STMN4: variants seen among roughly 807,000 people sequenced by gnomAD.
STMN4 encodes the protein stathmin 4, also known as stathmin-4.
Under a neutral mutation model 29.1 loss-of-function variants are expected in STMN4, and 12 were observed. The ratio of observed to expected loss-of-function variants is 0.41; its 90% CI spans 0.26 to 0.67. The LOEUF (loss-of-function observed/expected upper bound fraction) is 0.67, where lower values mean the gene tolerates loss of function less well. STMN4 is among the 30% of genes least tolerant of loss of function. STMN4 has a pLI of 0.30. For missense variants in STMN4, 181 were observed against 262.8 expected (o/e 0.69, Z 2.15); for synonymous variants, 114 against 105.3 (o/e 1.08, Z -0.51).
Position 27,241,139 on chromosome 8 carries a change from T to C in STMN4, c.314A>G (p.Glu105Gly). ...LKPPSFDGVP[E>G]FNASLPRRRD... is the part of the protein sequence containing the mutation. Reference sequence around the variant, plus strand: ...CCGCCTTGGCAGGGAGGCGTTGAACTCGGGAACCCCATCAAAGGAGGGTGG... The same window carrying C: ...CCGCCTTGGCAGGGAGGCGTTGAACCCGGGAACCCCATCAAAGGAGGGTGG... The change falls in exon 5 of 7, where the codon GAG becomes GGG. Residue 105 changes from glutamate (E) to glycine (G), a missense_variant. By Grantham distance (98) the Glu-to-Gly change is moderately conservative. Transcript: ENST00000350889. The C allele has an allele frequency of 6.2e-7, 1 of 1,614,200 alleles. No homozygotes were observed. Among genetic ancestry groups the C allele is most frequent in the Non-Finnish European group, 8.5e-7 (1 of 1,180,044 alleles).
intron 6 of STMN4, 72 bp downstream of exon 6, chr8:27,239,899 G>C: frequency 6.2e-7 from 1 of 1,610,620 alleles, no homozygotes; most frequent in South Asian, 1.1e-5. Flanking sequence ...TGATCAGCAG[G>C]TCCCCGCATA....
chr8:27,236,962 G>A, intron 6 of STMN4, 57 bp from the exon 7 acceptor site: 1 of 1,561,292 alleles, frequency 6.4e-7, no homozygotes, highest in African/African-American at 1.4e-5. Context: ...GGGACAAAAA[G>A]GGAGGCCAAG....
intron 1 of STMN4, among the ~76,000 whole-genome samples, chr8:27,254,847 G>C (rs1437747352): frequency 5.5e-5 from 8 of 144,696 alleles, no homozygotes; most frequent in Non-Finnish European, 1.2e-4. Context: ...GTAGGGGATG[G>C]AGTGGGAGCA....
chr8:27,254,437 C>T (rs1801878485), intron 1 of STMN4, among the ~76,000 whole-genome samples: 1 of 152,208 alleles, frequency 6.6e-6, no homozygotes, highest in Non-Finnish European at 1.5e-5. Flanking sequence ...GCCATCCAGC[C>T]CCAGGCTCCC....
chr8:27,246,926 A>G (rs1801639626), intron 1 of STMN4, among the ~76,000 whole-genome samples: 2 of 152,288 alleles, frequency 1.3e-5, no homozygotes, highest in East Asian at 3.9e-4. Flanking sequence ...CACCTCAGGT[A>G]CCAGCATTCA....
At chr8:27,247,717 C>G (rs999213494) in intron 1 of STMN4, among the ~76,000 whole-genome samples, 1 of 152,208 alleles carries the variant, frequency 6.6e-6, no homozygotes, top group African/African-American at 2.4e-5. Context: ...AAGGTCAGAG[C>G]ACACAGAGTG....
At chr8:27,253,654 G>A (rs1801854608) in intron 1 of STMN4, among the ~76,000 whole-genome samples, 1 of 151,908 alleles carries the variant, frequency 6.6e-6, no homozygotes, top group Non-Finnish European at 1.5e-5. Flanking sequence ...CTAGACAATG[G>A]CTCTAAATTC....
rs1378852777 is a variant in STMN4, at chr8:27,235,949, G to A, written c.*897C>T. 2.0e-5 allele frequency: 3 copies of A among 152,196 alleles called. No individual in the cohort carries two copies. The highest frequency in any genetic ancestry group is 4.4e-5 in the Non-Finnish European group (3 of 68,028). The allele number at this position is 152,196 out of a possible 1,614,324, so 9.4% of individuals were successfully genotyped here. ...TAGTCTAAGGTATTTTGTTACAGCA[G>A]TCTGAACGGTTGTGACTAAGACAAA... On this transcript the variant is annotated 3_prime_UTR_variant, in exon 7 of 7. Transcript: ENST00000350889.
In STMN4 at chr8:27,239,745, CTG is replaced by C. The variant is rs138784921; in HGVS notation, c.591+224_591+225del. 8.6e-3 allele frequency: 12,790 copies of C among 1,480,740 alleles called. 67 individuals are homozygous for C. The highest frequency in any genetic ancestry group is 0.01 in the Non-Finnish European group (11,514 of 1,122,400). The allele number at this position is 1,480,740 out of a possible 1,614,324, so 91.7% of individuals were successfully genotyped here. A position where few individuals can be genotyped will look rare whatever the true frequency, so the allele number is the denominator to read the frequency against. On this transcript the variant is annotated intron_variant, in intron 6 of 6. Transcript: ENST00000350889. Reference sequence around the variant, plus strand: ...GCAATGAAGGATTTTAATTGTGTAACTGTGCAGAATATCCCCCAAGGAAACCC... The same window carrying C: ...GCAATGAAGGATTTTAATTGTGTAACTGCAGAATATCCCCCAAGGAAACCC...
chr8:27,240,187 A>T, intron 5 of STMN4, 25 bp from the exon 6 acceptor site: 1 of 1,607,888 alleles, frequency 6.2e-7, no homozygotes, highest in Non-Finnish European at 8.5e-7. Flanking sequence ...AGGCAGAAGG[A>T]GGCCCTTCAC....
chr8:27,239,638 G>C, intron 6 of STMN4: 1 of 1,312,786 alleles, frequency 7.6e-7, no homozygotes, highest in South Asian at 1.6e-5. Context: ...ATGAAGCTAG[G>C]AATGCATACC....
intron 1 of STMN4, among the ~76,000 whole-genome samples, chr8:27,244,648 T>C (rs1801572661): frequency 6.6e-6 from 1 of 151,798 alleles, no homozygotes; most frequent in African/African-American, 2.4e-5. Flanking sequence ...GAGGGCATTG[T>C]GCAAGGGAAC....
At chr8:27,241,631 C>G (rs923601015) in intron 4 of STMN4, 46 bp downstream of exon 4, 25 of 1,609,748 alleles carry the variant, frequency 1.6e-5, no homozygotes, top group Admixed American at 3.3e-5. Context: ...GGCCACAGCC[C>G]ATCTGACGCT....
In STMN4 at chr8:27,243,818, A is replaced by G; in HGVS notation, c.-78-17T>C. 6.2e-7 allele frequency: 1 copy of G among 1,608,160 alleles called. No homozygotes were observed. The highest frequency in any genetic ancestry group is 1.1e-5 in the South Asian group (1 of 90,910). ...GTCACCAACCTGAGAAAAGGGGAGG[A>G]CAGGATTTTACCATCGATGGATTAG... On this transcript the variant is annotated splice_polypyrimidine_tract_variant and intron_variant, in intron 1 of 6. Transcript: ENST00000350889.
chr8:27,249,494 C>T (rs1285771843), intron 1 of STMN4, among the ~76,000 whole-genome samples: 9 of 152,178 alleles, frequency 5.9e-5, no homozygotes, highest in Non-Finnish European at 1.3e-4. Context: ...CCAATAGCCT[C>T]CTACTTGGGG....
chr8:27,256,122 C>T lies in STMN4; in HGVS notation c.-79+2229G>A, dbSNP rs186077920. Among the ~76,000 whole-genome samples, 28 of 152,236 alleles carry T rather than the reference C, an allele frequency of 1.8e-4. No individual in the cohort carries two copies. In the East Asian group the frequency reaches 4.6e-3, roughly 25 times the overall value. On this transcript the variant is annotated intron_variant, in intron 1 of 6. Transcript: ENST00000350889. The stretch of plus-strand genomic sequence containing the variant: ...TAAGCCAATCATAAAAAGACAAGTA[C>T]TGTATGATTCCACTTATCTGAGGTA...
At chr8:27,244,525 A>G (rs879403) in intron 1 of STMN4, among the ~76,000 whole-genome samples, 77,413 of 151,744 alleles carry the variant, frequency 0.51, 20,098 homozygotes, top group Middle Eastern at 0.58. Flanking sequence ...GGGACACAGA[A>G]ATAGGGCTCC....
intron 4 of STMN4, 53 bp downstream of exon 4, chr8:27,241,624 C>A: frequency 6.2e-7 from 1 of 1,607,800 alleles, no homozygotes; most frequent in South Asian, 1.1e-5. Flanking sequence ...CACCCCCGGC[C>A]ACAGCCCATC....
At chr8:27,247,463 C>T (rs200077214) in intron 1 of STMN4, among the ~76,000 whole-genome samples, 10 of 152,136 alleles carry the variant, frequency 6.6e-5, no homozygotes, top group Non-Finnish European at 1.0e-4. Context: ...CACTGGGTGG[C>T]GCCAGCCATG....
Sources: gnomAD v4.1 joint callset for allele counts (sites outside exome capture counted in the v4.1 genomes callset) on GRCh38, gnomAD v4.1.1 for gene constraint, MANE v1.5 for transcripts, NCBI Gene and HGNC (gene_info 2026-07-23, HGNC 2026-07-21) for gene names.